ZFHX3: variants seen among roughly 807,000 people sequenced by gnomAD.
The protein encoded by ZFHX3 is zinc finger homeobox protein 3.
In ZFHX3, 42 loss-of-function variants were observed where a neutral mutation model predicts 279.1. The ratio of observed to expected loss-of-function variants is 0.15; its 90% CI spans 0.12 to 0.19. The LOEUF (loss-of-function observed/expected upper bound fraction) is 0.19. Ranked by LOEUF, ZFHX3 falls within the 10% of genes least tolerant of loss-of-function variation. The pLI is 1.00. For missense variants in ZFHX3, 4,981 were observed against 4,754.0 expected, an observed-to-expected ratio of 1.05 and a Z score of -1.40; for synonymous variants, 2,293 against 1,957.8, an observed-to-expected ratio of 1.17 and a Z score of -4.52.
At chr16:73,854,730 A>C (rs1455727869) in intron 1 of ZFHX3, among the ~76,000 whole-genome samples, 84 of 46,686 alleles carry the variant, frequency 1.8e-3, no homozygotes, top group African/African-American at 3.4e-3. Context: ...CCTTCCACAA[A>C]AAAAAAAAAA....
At chr16:73,480,599 G>A (rs2018849188) in intron 2 of ZFHX3, among the ~76,000 whole-genome samples, 1 of 152,196 alleles carries the variant, frequency 6.6e-6, no homozygotes, top group South Asian at 2.1e-4. Flanking sequence ...TTGCAGTGCT[G>A]TTGGCTTTGC....
At chr16:73,060,384 G>A (rs1021541023), upstream of ZFHX3, 1 of 152,136 alleles carries the variant, frequency 6.6e-6, no homozygotes, top group African/African-American at 2.4e-5. Context: ...AGACAGCAGC[G>A]AGGGACCCTA....
chr16:73,367,523 A>T (rs977373578), intron 3 of ZFHX3, among the ~76,000 whole-genome samples: 1 of 152,142 alleles, frequency 6.6e-6, no homozygotes, highest in East Asian at 1.9e-4. Context: ...GATCCAGCTT[A>T]TAGTCCTTCA....
chr16:73,546,899 A>G (rs952120756), intron 2 of ZFHX3, among the ~76,000 whole-genome samples: 1 of 151,900 alleles, frequency 6.6e-6, no homozygotes, highest in Non-Finnish European at 1.5e-5. Flanking sequence ...CGGCCATCCT[A>G]TTGTGTGTCC....
intron 5 of ZFHX3, among the ~76,000 whole-genome samples, chr16:73,233,401 G>A (rs533420459): frequency 6.6e-6 from 1 of 152,304 alleles, no homozygotes; most frequent in South Asian, 2.1e-4. Context: ...CTTTTTATGG[G>A]AGGCTTCTGC....
At chr16:73,120,848 A>G (rs895318957) in intron 7 of ZFHX3, among the ~76,000 whole-genome samples, 4 of 150,672 alleles carry the variant, frequency 2.7e-5, no homozygotes, top group Non-Finnish European at 4.4e-5. Flanking sequence ...TAGAGATGGG[A>G]TTTCACCGTG....
At chr16:73,020,412 C>T (rs1364975966) in intron 1 of ZFHX3, among the ~76,000 whole-genome samples, 1 of 152,122 alleles carries the variant, frequency 6.6e-6, no homozygotes, top group Non-Finnish European at 1.5e-5. Flanking sequence ...CCAACAAAAG[C>T]TCTCTGTCTT....
Position 72,787,669 on chromosome 16 carries a change from C to G in ZFHX3, c.10607G>C (p.Ser3536Thr), listed in dbSNP as rs1033570731. 1 of 1,562,670 alleles carries G rather than the reference C, an allele frequency of 6.4e-7. No individual in the cohort carries two copies. Among genetic ancestry groups the G allele is most frequent in the Admixed American group, 1.8e-5 (1 of 55,292 alleles). Residue 3536 changes from serine (S) to threonine (T), a missense_variant, in exon 10 of 10, where the codon AGC becomes ACC. Transcript: ENST00000268489. The part of the protein sequence containing the change: ...GGSYHCLACE[S>T]ALCGEEALSQ... The stretch of plus-strand genomic sequence containing the variant: ...CAGAGCTTCCTCCCCACAGAGCGCG[C>G]TCTCGCACGCCAGGCAGTGGTACGA...
chr16:73,473,358 C>CAAA (rs1300049292), intron 2 of ZFHX3, among the ~76,000 whole-genome samples: 19 of 43,164 alleles, frequency 4.4e-4, no homozygotes, highest in African/African-American at 1.3e-3. Flanking sequence ...AAAAAAAAAA[C>CAAA]AAAAAAAAAA....
intron 4 of ZFHX3, among the ~76,000 whole-genome samples, chr16:73,312,611 G>A (rs76584638): frequency 0.097 from 14,772 of 152,156 alleles, 784 homozygotes; most frequent in Middle Eastern, 0.17. Context: ...ATTCATTGAG[G>A]GCTTTCAGTG....
intron 1 of ZFHX3, among the ~76,000 whole-genome samples, chr16:73,733,428 T>G (rs527793547): frequency 6.6e-6 from 1 of 152,348 alleles, no homozygotes; most frequent in East Asian, 1.9e-4. Context: ...TCATTTTAGG[T>G]TTCAGTAAAA....
At chr16:73,167,323 C>T (rs1195518711) in intron 5 of ZFHX3, among the ~76,000 whole-genome samples, 2 of 152,226 alleles carry the variant, frequency 1.3e-5, no homozygotes, top group African/African-American at 4.8e-5. Context: ...GCCCCCCTCC[C>T]TCCCAGCCAC....
intron 2 of ZFHX3, among the ~76,000 whole-genome samples, chr16:73,463,210 T>C (rs2018502527): frequency 6.6e-6 from 1 of 152,338 alleles, no homozygotes; most frequent in South Asian, 2.1e-4. Context: ...ATTTACTAAG[T>C]ACTTAAAACA....
At chr16:73,031,773 C>CG (rs1186162552) in intron 1 of ZFHX3, among the ~76,000 whole-genome samples, 1 of 152,110 alleles carries the variant, frequency 6.6e-6, no homozygotes, top group Non-Finnish European at 1.5e-5. Context: ...CAGGTCACCA[C>CG]GGGCCCTCTG....
chr16:73,162,634 G>A (rs1260841051), intron 5 of ZFHX3, among the ~76,000 whole-genome samples: 1 of 152,082 alleles, frequency 6.6e-6, no homozygotes, highest in Non-Finnish European at 1.5e-5. Flanking sequence ...GCTAATTTTT[G>A]TATTGTTTTG....
intron 5 of ZFHX3, among the ~76,000 whole-genome samples, chr16:73,157,362 G>T (rs1597190265): frequency 6.6e-6 from 1 of 150,482 alleles, no homozygotes; most frequent in East Asian, 1.9e-4. Context: ...TGGAAACAAT[G>T]GTCTCTGTGG....
At chr16:73,797,855 C>A (rs965471017) in intron 1 of ZFHX3, among the ~76,000 whole-genome samples, 2 of 143,860 alleles carry the variant, frequency 1.4e-5, no homozygotes, top group African/African-American at 2.7e-5. Flanking sequence ...ACTCTTGTCA[C>A]CCAGGCTGGA....
Position 72,829,857 on chromosome 16 carries a change from C to T in ZFHX3, c.3451G>A (p.Glu1151Lys). Reference protein sequence around the residue: ...IRRCPSTDPEEAIEDVEGPSE... With the variant: ...IRRCPSTDPEKAIEDVEGPSE... ...GGTCCTTCAACATCTTCAATGGCTTCTTCTGAAACAGAAGAAAAACATGTC... is the reference window on the plus strand; with the variant it reads ...GGTCCTTCAACATCTTCAATGGCTTTTTCTGAAACAGAAGAAAAACATGTC... Residue 1151 changes from glutamate to lysine, a missense_variant and splice_region_variant, in exon 5 of 10, where the codon GAA (glutamate) becomes AAA (lysine). Glu to Lys is a moderately conservative substitution (Grantham distance 56, BLOSUM62 1). This residue lies in a region of ZFHX3 where 1,751 missense variants were observed against 1,770.0 expected (regional missense o/e 0.99). Coordinates refer to ENST00000268489, the MANE Select transcript of ZFHX3 (RefSeq NM_006885.4). The T allele has an allele frequency of 6.2e-7, 1 of 1,614,186 alleles. No homozygotes were observed. The highest frequency in any genetic ancestry group is 8.5e-7 in the Non-Finnish European group (1 of 1,180,020).
At chr16:73,872,591 T>C (rs2029865155) in intron 1 of ZFHX3, among the ~76,000 whole-genome samples, 1 of 151,368 alleles carries the variant, frequency 6.6e-6, no homozygotes, top group Non-Finnish European at 1.5e-5. Flanking sequence ...CTGCATGCCC[T>C]CTGAATAGTA....
Sources: allele counts gnomAD v4.1 joint callset (sites outside exome capture counted in the v4.1 genomes callset), GRCh38; gene constraint gnomAD v4.1.1; regional missense constraint gnomAD v4.1.1; transcripts MANE v1.5; gene names NCBI Gene and HGNC (gene_info 2026-07-23, HGNC 2026-07-21).